BRAF: variants seen among roughly 807,000 people sequenced by gnomAD.
The protein encoded by BRAF is B-Raf proto-oncogene, serine/threonine kinase, also known as serine/threonine-protein kinase B-raf.
BRAF carries 16 observed loss-of-function variants against 104.6 expected under a neutral mutation model. That is an observed-to-expected ratio of 0.15 (90% CI 0.10 to 0.23). The LOEUF is 0.23. Ranked by LOEUF, BRAF falls within the 10% of genes least tolerant of loss-of-function variation. The pLI, the probability that BRAF is intolerant of heterozygous loss-of-function variation, is 1.00. For synonymous variants in BRAF, 310 were observed against 341.6 expected, an observed-to-expected ratio of 0.91 and a Z score of 1.02; for missense variants, 541 against 937.3, an observed-to-expected ratio of 0.58 and a Z score of 5.52.
At chr7:140,776,833 G>A (rs2129017976) in intron 14 of BRAF, 79 bp downstream of exon 13, 2 of 1,403,820 alleles carry the variant, frequency 1.4e-6, no homozygotes, top group East Asian at 2.3e-5. Context: ...CAATCCAAAA[G>A]AATAGCAGCC....
chr7:140,738,532 C>T (rs1350166614), intron 18 of BRAF, among the ~76,000 whole-genome samples: 2 of 152,154 alleles, frequency 1.3e-5, no homozygotes, highest in African/African-American at 2.4e-5. Flanking sequence ...CTATCAGGAG[C>T]TCCCTAAGTA....
At position 140,834,775 on chromosome 7, in the gene BRAF, C is replaced by G. The variant is rs747047638; in HGVS notation, c.338G>C (p.Ser113Thr). 1 of 1,614,146 alleles carries G rather than the reference C, an allele frequency of 6.2e-7. No homozygotes were observed. Among genetic ancestry groups the G allele is most frequent in the African/African-American group, 1.3e-5 (1 of 75,048 alleles). ...TGTAACGGTATCCATTGATGCAGAGCTAGAAACAGAAAAATCAGTTCCGTT... is the reference window on the plus strand; with the variant it reads ...TGTAACGGTATCCATTGATGCAGAGGTAGAAACAGAAAAATCAGTTCCGTT... ...LGNGTDFSVSSSASMDTVTSS... is the reference protein window; with the variant it reads ...LGNGTDFSVSTSASMDTVTSS... The change falls in exon 3 of 20, where the codon AGC becomes ACC. Residue 113 changes from serine to threonine, a missense_variant. By Grantham distance (58) the Ser-to-Thr change is moderately conservative. This residue lies in a region of BRAF where 86 missense variants were observed against 133.9 expected (regional missense o/e 0.64). Transcript: ENST00000644969.
At chr7:140,916,674 T>C (rs573111569) in intron 1 of BRAF, among the ~76,000 whole-genome samples, 1 of 152,336 alleles carries the variant, frequency 6.6e-6, no homozygotes, top group South Asian at 2.1e-4. Context: ...TTAATTTTGG[T>C]TGCAACTTTT....
chr7:140,872,607 C>A (rs531006556), intron 1 of BRAF, among the ~76,000 whole-genome samples: 3 of 152,150 alleles, frequency 2.0e-5, no homozygotes, highest in East Asian at 1.9e-4. Flanking sequence ...GTAAGCCCAG[C>A]ACTTTGGGAG....
intron 11 of BRAF, among the ~76,000 whole-genome samples, chr7:140,782,239 T>C (rs544931429): frequency 1.6e-4 from 25 of 152,264 alleles, no homozygotes; most frequent in African/African-American, 5.5e-4. Context: ...ATAAATTATT[T>C]ATGGGGTATG....
intron 1 of BRAF, among the ~76,000 whole-genome samples, chr7:140,896,846 A>G (rs1814965851): frequency 7.5e-6 from 1 of 133,654 alleles, no homozygotes; most frequent in African/African-American, 2.9e-5. Context: ...CCTGGGTGAC[A>G]GAGCGAGACT....
rs1344428390 is a variant in BRAF, at chr7:140,921,884, C to T, written c.138+2682G>A. On this transcript the variant is annotated intron_variant, in intron 1 of 19. Coordinates refer to ENST00000644969, the MANE Select transcript of BRAF (RefSeq NM_001374258.1). The stretch of plus-strand genomic sequence containing the variant: ...GTCATTACACACAAGCAAACCTTTT[C>T]ATTCTTTCCATGTAATTTGCAGTAA... Among the ~76,000 whole-genome samples, 3 of 151,830 alleles carry T rather than the reference C, an allele frequency of 2.0e-5. No homozygotes were observed. The East Asian group carries it at 5.8e-4, about 29-fold the overall frequency.
At chr7:140,771,500 T>C (rs1241582725) in intron 14 of BRAF, among the ~76,000 whole-genome samples, 1 of 152,152 alleles carries the variant, frequency 6.6e-6, no homozygotes, top group Non-Finnish European at 1.5e-5. Flanking sequence ...AGACTAACTT[T>C]TCTAATTATT....
In BRAF at chr7:140,902,514, T is replaced by G. The variant is rs563234874; in HGVS notation, c.138+22052A>C. Among the ~76,000 whole-genome samples the G allele has an allele frequency of 3.9e-5, 6 of 152,336 alleles. No individual in the cohort carries two copies. The East Asian group carries it at 1.2e-3, about 29-fold the overall frequency. ...CTTGAAATCAAAAGCTAGAAATGAT[T>G]AAGCTTAGTGAAGAAGGCATGTTGA... is the stretch of plus-strand genomic sequence containing the variant. On this transcript the variant is annotated intron_variant, in intron 1 of 19. Coordinates refer to ENST00000644969, the MANE Select transcript of BRAF (RefSeq NM_001374258.1).
intron 1 of BRAF, among the ~76,000 whole-genome samples, chr7:140,894,475 G>A (rs1459062750): frequency 2.6e-5 from 4 of 152,056 alleles, no homozygotes; most frequent in African/African-American, 9.7e-5. Flanking sequence ...CTCATATGAA[G>A]AGATGGAAAA....
chr7:140,731,191 T>A (rs1340634161), intron 19 of BRAF: 1 of 152,084 alleles, frequency 6.6e-6, no homozygotes, highest in Non-Finnish European at 1.5e-5. Context: ...AATTTTTAAA[T>A]TTTTCTGTAG....
chr7:140,887,580 T>C (rs1475030347), intron 1 of BRAF, among the ~76,000 whole-genome samples: 1 of 152,204 alleles, frequency 6.6e-6, no homozygotes, highest in South Asian at 2.1e-4. Flanking sequence ...TACAATGTGA[T>C]GGTCAAACAA....
chr7:140,810,150 G>T (rs1174076017), intron 3 of BRAF, among the ~76,000 whole-genome samples: 1 of 152,162 alleles, frequency 6.6e-6, no homozygotes, highest in Non-Finnish European at 1.5e-5. Flanking sequence ...GAAAAAAAGG[G>T]GGTAAAGGTA....
At chr7:140,901,706 T>G (rs990700502) in intron 1 of BRAF, among the ~76,000 whole-genome samples, 11 of 152,244 alleles carry the variant, frequency 7.2e-5, no homozygotes, top group African/African-American at 2.7e-4. Context: ...TATAAAGATT[T>G]TGTATATCTG....
intron 1 of BRAF, among the ~76,000 whole-genome samples, chr7:140,878,197 C>G (rs1812479579): frequency 6.6e-6 from 1 of 152,020 alleles, no homozygotes; most frequent in African/African-American, 2.4e-5. Context: ...TGATGGCATA[C>G]AGCAAAAGCA....
chr7:140,766,422 T>TA (rs1363995405), intron 14 of BRAF, among the ~76,000 whole-genome samples: 1 of 151,582 alleles, frequency 6.6e-6, no homozygotes, highest in East Asian at 1.9e-4. Flanking sequence ...ACATGTACCC[T>TA]AAAACTGAAA....
intron 3 of BRAF, among the ~76,000 whole-genome samples, chr7:140,826,626 C>T (rs1806079907): frequency 6.6e-6 from 1 of 152,112 alleles, no homozygotes; most frequent in Non-Finnish European, 1.5e-5. Flanking sequence ...ATGGTAGTTA[C>T]ACATGTAAAA....
At chr7:140,865,890 A>G (rs532468332) in intron 1 of BRAF, among the ~76,000 whole-genome samples, 1 of 152,212 alleles carries the variant, frequency 6.6e-6, no homozygotes, top group South Asian at 2.1e-4. Context: ...GAATAAGAGG[A>G]TCAAACATTT....
intron 1 of BRAF, among the ~76,000 whole-genome samples, chr7:140,898,696 T>C (rs184305828): frequency 3.9e-5 from 6 of 152,344 alleles, no homozygotes; most frequent in Non-Finnish European, 7.3e-5. Context: ...CTTAATCACA[T>C]CCACTTTCTC....
Sources: allele counts gnomAD v4.1 joint callset (sites outside exome capture counted in the v4.1 genomes callset), GRCh38; gene constraint gnomAD v4.1.1; regional missense constraint gnomAD v4.1.1; transcripts MANE v1.5; gene names NCBI Gene and HGNC (gene_info 2026-07-23, HGNC 2026-07-21).